TTC6: variants seen among roughly 807,000 people sequenced by gnomAD.
TTC6 encodes tetratricopeptide repeat domain 6, also known as tetratricopeptide repeat protein 6.
A neutral mutation model predicts 210.4 loss-of-function variants in TTC6; 172 were observed. The observed-to-expected ratio is 0.82, with a 90% confidence interval of 0.72 to 0.93. The LOEUF is 0.93. Ranked by LOEUF, TTC6 falls within the 40% of genes least tolerant of loss-of-function variation. The pLI, the probability that TTC6 is intolerant of heterozygous loss-of-function variation, is 0.00. For missense variants in TTC6, 2,414 were observed against 2,318.1 expected (o/e 1.04, Z -0.85); for synonymous variants, 804 against 819.6 (o/e 0.98, Z 0.32).
At chr14:37,819,404 A>C (rs570700003) in intron 26 of TTC6, among the ~76,000 whole-genome samples, 1 of 152,256 alleles carries the variant, frequency 6.6e-6, no homozygotes, top group Admixed American at 6.5e-5. Context: ...TAAATAAATA[A>C]ATTTTTAAAT....
At chr14:37,821,772 CTTTTTTT>C (rs35078384) in intron 26 of TTC6, among the ~76,000 whole-genome samples, 120 of 69,160 alleles carry the variant, frequency 1.7e-3, no homozygotes, top group Non-Finnish European at 1.9e-3. Context: ...AAGAGCTAGT[CTTTTTTT>C]TTTTTTTTTT....
At chr14:37,811,170 C>G (rs754569237) in intron 24 of TTC6, among the ~76,000 whole-genome samples, 1 of 152,144 alleles carries the variant, frequency 6.6e-6, no homozygotes, top group Admixed American at 6.5e-5. Flanking sequence ...TTTTTATTTC[C>G]TCCTGTATTG....
intron 7 of TTC6, among the ~76,000 whole-genome samples, chr14:37,731,262 T>C (rs2095885359): frequency 6.6e-6 from 1 of 152,210 alleles, no homozygotes; most frequent in African/African-American, 2.4e-5. Context: ...CTGACAGCAC[T>C]ATAACTCATG....
intron 14 of TTC6, among the ~76,000 whole-genome samples, chr14:37,769,079 G>T (rs1014941159): frequency 2.6e-5 from 4 of 151,296 alleles, no homozygotes; most frequent in African/African-American, 9.7e-5. Context: ...TTTGTCTTTG[G>T]CTCTGTTTAT....
At chr14:37,684,299 C>T (rs1440307568) in intron 3 of TTC6, among the ~76,000 whole-genome samples, 1 of 152,134 alleles carries the variant, frequency 6.6e-6, no homozygotes, top group East Asian at 1.9e-4. Context: ...TCAGGTTTAT[C>T]CTACATGACA....
intron 10 of TTC6, among the ~76,000 whole-genome samples, chr14:37,740,141 C>A (rs1236114201): frequency 3.7e-5 from 5 of 135,598 alleles, no homozygotes; most frequent in Non-Finnish European, 6.1e-5. Flanking sequence ...CCAGCCTGGG[C>A]GACAGAGCGA....
chr14:37,754,534 G>C (rs1057450200), intron 14 of TTC6, among the ~76,000 whole-genome samples: 3 of 152,022 alleles, frequency 2.0e-5, no homozygotes, highest in African/African-American at 7.2e-5. Flanking sequence ...CTGGGTTCAA[G>C]TGATTTTCCT....
At chr14:37,794,549 G>C (rs1443818344) in intron 17 of TTC6, among the ~76,000 whole-genome samples, 1 of 150,764 alleles carries the variant, frequency 6.6e-6, no homozygotes, top group African/African-American at 2.5e-5. Flanking sequence ...CCAGTATTAA[G>C]GGAATAATTA....
At chr14:37,667,185 G>A (rs1311085126) in intron 1 of TTC6, among the ~76,000 whole-genome samples, 1 of 150,232 alleles carries the variant, frequency 6.7e-6, no homozygotes, top group Non-Finnish European at 1.5e-5. Context: ...TACTGGGTAA[G>A]TCAGCCCTGC....
chr14:37,764,800 C>G (rs1040104134), intron 14 of TTC6, among the ~76,000 whole-genome samples: 1 of 151,942 alleles, frequency 6.6e-6, no homozygotes, highest in African/African-American at 2.4e-5. Context: ...AGAGATAACT[C>G]TGCCATTTTG....
intron 1 of TTC6, among the ~76,000 whole-genome samples, chr14:37,634,779 AT>A (rs1284214783): frequency 6.6e-6 from 1 of 152,212 alleles, no homozygotes; most frequent in Non-Finnish European, 1.5e-5. Context: ...TTGAGAGTAG[AT>A]TTCTCATTGA....
chr14:37,829,585 C>T (rs1407337685), intron 29 of TTC6, among the ~76,000 whole-genome samples: 1 of 151,902 alleles, frequency 6.6e-6, no homozygotes, highest in Non-Finnish European at 1.5e-5. Flanking sequence ...TATGCTTGAG[C>T]TTATTATGTC....
intron 29 of TTC6, among the ~76,000 whole-genome samples, chr14:37,829,799 A>C (rs2096180380): frequency 6.6e-6 from 1 of 152,030 alleles, no homozygotes; most frequent in Non-Finnish European, 1.5e-5. Context: ...AAGAATAGTT[A>C]CTGTGGGTTC....
intron 29 of TTC6, 66 bp from the exon 32 acceptor site, chr14:37,841,379 A>G: frequency 1.4e-6 from 2 of 1,379,748 alleles, no homozygotes; most frequent in East Asian, 2.4e-5. Flanking sequence ...TTAAGAGTAA[A>G]AGTGCTTCAA....
At chr14:37,632,677 C>G (rs1400433868) in intron 1 of TTC6, among the ~76,000 whole-genome samples, 1 of 152,192 alleles carries the variant, frequency 6.6e-6, no homozygotes, top group African/African-American at 2.4e-5. Context: ...TCTTCAGAGC[C>G]AGCAGGAAGG....
chr14:37,834,584 T>A (rs1430028670), intron 29 of TTC6, among the ~76,000 whole-genome samples: 1 of 152,194 alleles, frequency 6.6e-6, no homozygotes, highest in Admixed American at 6.5e-5. Context: ...TCATGAAGTT[T>A]TTTTTATTTC....
intron 4 of TTC6, among the ~76,000 whole-genome samples, chr14:37,699,133 A>T (rs776897393): frequency 8.5e-5 from 13 of 152,350 alleles, no homozygotes; most frequent in East Asian, 1.9e-4. Context: ...TAAAAAAGAA[A>T]AAAAGATAAA....
chr14:37,619,587 T>G (rs2095648088), upstream of TTC6, among the ~76,000 whole-genome samples: 1 of 152,184 alleles, frequency 6.6e-6, no homozygotes, highest in Non-Finnish European at 1.5e-5. Flanking sequence ...CTCAGCACAA[T>G]TTATTGAAAA....
At chr14:37,821,273 T>C (rs958680416) in intron 26 of TTC6, among the ~76,000 whole-genome samples, 2 of 152,102 alleles carry the variant, frequency 1.3e-5, no homozygotes, top group African/African-American at 2.4e-5. Context: ...TTCACCATGT[T>C]GGGCAAGCTG....
Sources: allele counts gnomAD v4.1 joint callset (sites outside exome capture counted in the v4.1 genomes callset), GRCh38; gene constraint gnomAD v4.1.1; transcripts MANE v1.5; gene names NCBI Gene and HGNC (gene_info 2026-07-23, HGNC 2026-07-21).